Variants in TRMT44 observed in about 807,000 individuals in gnomAD.
TRMT44 encodes the protein tRNA methyltransferase 44 homolog.
A neutral mutation model predicts 77.3 loss-of-function variants in TRMT44; 78 were observed. The observed-to-expected ratio is 1.01, with a 90% CI of 0.84 to 1.22. TRMT44 has a LOEUF of 1.22. Among genes scored for constraint, TRMT44 ranks in the 50% most tolerant of loss-of-function variants. The pLI, the probability that TRMT44 is intolerant of heterozygous loss-of-function variation, is 0.00. For missense variants in TRMT44, 1,090 were observed against 964.4 expected, an observed-to-expected ratio of 1.13 and a Z score of -1.73; for synonymous variants, 391 against 383.3, an observed-to-expected ratio of 1.02 and a Z score of -0.23.
chr4:8,500,129 C>T, the TRMT44 span, among the ~76,000 whole-genome samples: 116 of 152,182 alleles, frequency 7.6e-4, no homozygotes, highest in Non-Finnish European at 1.4e-3. Context: ...ACTCTGGAGG[C>T]TGAGGCAGGG....
chr4:8,507,696 C>T, the TRMT44 span, among the ~76,000 whole-genome samples: 1 of 152,204 alleles, frequency 6.6e-6, no homozygotes, highest in Non-Finnish European at 1.5e-5. Flanking sequence ...TGCCCCTGGT[C>T]ACCTGGAGGC....
intron 1 of TRMT44, among the ~76,000 whole-genome samples, chr4:8,441,867 G>A (rs867252552): frequency 6.6e-6 from 1 of 152,180 alleles, no homozygotes; most frequent in Non-Finnish European, 1.5e-5. Context: ...CCAAAGCCTG[G>A]GAGCTCTGGT....
intron 6 of TRMT44, among the ~76,000 whole-genome samples, chr4:8,459,706 C>G (rs1726031764): frequency 6.6e-6 from 1 of 152,180 alleles, no homozygotes; most frequent in African/African-American, 2.4e-5. Flanking sequence ...AGAGATGCAT[C>G]CAATGGGAGA....
In TRMT44 at chr4:8,468,314, G is replaced by A. The variant is rs748467498; in HGVS notation, c.1895G>A (p.Arg632Gln). 4.5e-5 allele frequency: 72 copies of A among 1,614,050 alleles called. No homozygotes were observed. Among genetic ancestry groups the A allele is most frequent in the Middle Eastern group, 1.6e-4 (1 of 6,084 alleles). Residue 632 changes from arginine to glutamine, a missense_variant, in exon 9 of 11, where the codon CGA becomes CAA. By Grantham distance (43) the Arg-to-Gln change is conservative (BLOSUM62 1). Transcript: ENST00000389737. Reference sequence around the variant, plus strand: ...AAGCAATTAAACACAAGAAGTTCTCGAAATGGGAGTTTGAAGACCTGGAAT... The same window carrying A: ...AAGCAATTAAACACAAGAAGTTCTCAAAATGGGAGTTTGAAGACCTGGAAT... ...GGKQLNTRSSRNGSLKTWNGG... is the reference protein window; with the variant it reads ...GGKQLNTRSSQNGSLKTWNGG...
At chr4:8,490,399 G>A (rs1260614310) in intron 2 of TRMT44, among the ~76,000 whole-genome samples, 1 of 152,002 alleles carries the variant, frequency 6.6e-6, no homozygotes, top group Non-Finnish European at 1.5e-5. Context: ...TGGTGGATTC[G>A]TGGTCTCGCT....
At chr4:8,465,900 T>G (rs1388140600) in intron 8 of TRMT44, among the ~76,000 whole-genome samples, 1 of 152,244 alleles carries the variant, frequency 6.6e-6, no homozygotes, top group African/African-American at 2.4e-5. Context: ...TTCCTGCTCC[T>G]TCAAGTCGCA....
At position 8,452,512 on chromosome 4, in the gene TRMT44, A is replaced by C. The variant is rs1262124238; in HGVS notation, c.1024-370A>C. ...CACTTCGGGAGGCCGAGGCGGGCAG[A>C]TCACTTGAGGTCAGGAGTTTGAGAC... On this transcript the variant is annotated intron_variant, in intron 4 of 10. Transcript: ENST00000389737. This position sits in a 1 kb window ranked among gnomAD's most constrained non-coding sequence, Gnocchi z 5.7. Among the ~76,000 whole-genome samples the C allele has an allele frequency of 6.6e-6, 1 of 152,244 alleles. No individual in the cohort carries two copies. The highest frequency in any genetic ancestry group is 1.5e-5 in the Non-Finnish European group (1 of 68,044).
the TRMT44 span, among the ~76,000 whole-genome samples, chr4:8,513,339 C>T: frequency 6.6e-6 from 1 of 152,188 alleles, no homozygotes; most frequent in Non-Finnish European, 1.5e-5. Context: ...ACCATCAGAT[C>T]TCATGAACTC....
In TRMT44 at chr4:8,452,435, T is replaced by C. The variant is rs200336440; in HGVS notation, c.1023+407T>C. Among the ~76,000 whole-genome samples the C allele has an allele frequency of 1.4e-4, 22 of 152,362 alleles. No individual in the cohort carries two copies. The East Asian group carries it at 4.1e-3, about 28-fold the overall frequency. ...TTAATCATCTTGGTTTACTTATCTA[T>C]AAGAATGTTTAGAGTAGGCTGGGTT... On this transcript the variant is annotated intron_variant, in intron 4 of 10. Coordinates refer to ENST00000389737, the MANE Select transcript of TRMT44 (RefSeq NM_152544.3). This position sits in a 1 kb window ranked among gnomAD's most constrained non-coding sequence, Gnocchi z 5.7.
At chr4:8,449,949 C>CTTTTCTTTTATTTT in intron 3 of TRMT44, 61 bp downstream of exon 3, 2 of 238,688 alleles carry the variant, frequency 8.4e-6, no homozygotes, top group Admixed American at 1.3e-4. Context: ...CTTTTCTTTT[C>CTTTTCTTTTATTTT]TTTTTTTTTT....
In TRMT44 at chr4:8,464,097, A is replaced by G; in HGVS notation, c.1310+6A>G. ...ATACCTGTCATTGCAGCCAGGTGAG[A>G]AGTAGAGGAGTTATCAGGTGAATGG... On this transcript the variant is annotated splice_donor_region_variant and intron_variant, in intron 7 of 10. Coordinates refer to ENST00000389737, the MANE Select transcript of TRMT44 (RefSeq NM_152544.3). The G allele has an allele frequency of 6.2e-7, 1 of 1,611,802 alleles. No individual in the cohort carries two copies.
intron 9 of TRMT44, chr4:8,470,799 C>T (rs944919191): frequency 2.2e-4 from 56 of 253,568 alleles, no homozygotes; most frequent in African/African-American, 1.0e-3. Flanking sequence ...CTTGAGGTGA[C>T]CACCCAGAGC....
intron 2 of TRMT44, among the ~76,000 whole-genome samples, chr4:8,482,939 A>T (rs1426708036): frequency 6.6e-6 from 1 of 151,524 alleles, no homozygotes; most frequent in South Asian, 2.1e-4. Context: ...ATAATGGGCA[A>T]TGTTTCTCAG....
At position 8,476,240 on chromosome 4, in the gene TRMT44, G is replaced by C. The variant is rs1046619272; in HGVS notation, c.*239G>C. ...TGTTTCAGATGCAGCCGCTTGAAAC[G>C]TGCGCAGCATCTTCATATCATAAAG... is the stretch of plus-strand genomic sequence containing the variant. On this transcript the variant is annotated 3_prime_UTR_variant, in exon 11 of 11. Transcript: ENST00000389737. 4 of 574,926 alleles carry C rather than the reference G, an allele frequency of 7.0e-6. No individual in the cohort carries two copies. The highest frequency in any genetic ancestry group is 4.1e-5 in the South Asian group (2 of 48,586). The allele number at this position is 574,926 out of a possible 1,614,324, so 35.6% of individuals were successfully genotyped here.
downstream of TRMT44, among the ~76,000 whole-genome samples, chr4:8,495,869 T>G (rs1728135548): frequency 6.6e-6 from 1 of 152,170 alleles, no homozygotes; most frequent in African/African-American, 2.4e-5. Flanking sequence ...CCACAAACAA[T>G]CAGACTGGTT....
At chr4:8,471,626 C>G (rs1321051611) in intron 10 of TRMT44, among the ~76,000 whole-genome samples, 1 of 152,174 alleles carries the variant, frequency 6.6e-6, no homozygotes, top group Non-Finnish European at 1.5e-5. Context: ...AAGAGTGAGC[C>G]CTGCCCCACA....
rs1170891814 is a variant in TRMT44, at chr4:8,444,721, G to A, written c.620-1755G>A. On this transcript the variant is annotated intron_variant, in intron 1 of 10. Transcript: ENST00000389737. This position sits in a 1 kb window ranked among gnomAD's most constrained non-coding sequence, Gnocchi z 4.0. ...CCACTATTGTACATTTTTAAATAAC[G>A]AAAAGAGTGTAATTGGATTGTTTGT... is the stretch of plus-strand genomic sequence containing the variant. Among the ~76,000 whole-genome samples the A allele has an allele frequency of 6.6e-6, 1 of 152,170 alleles. No homozygotes were observed. Among genetic ancestry groups the A allele is most frequent in the African/African-American group, 2.4e-5 (1 of 41,448 alleles).
At chr4:8,514,003 A>C in the TRMT44 span, among the ~76,000 whole-genome samples, 5 of 152,186 alleles carry the variant, frequency 3.3e-5, no homozygotes. Flanking sequence ...CGCTGTGCCC[A>C]GGCATTCCCA....
chr4:8,460,118 C>T (rs1241037518), intron 6 of TRMT44, among the ~76,000 whole-genome samples: 1 of 152,192 alleles, frequency 6.6e-6, no homozygotes, highest in Non-Finnish European at 1.5e-5. Flanking sequence ...TCTCCTGGTA[C>T]TGAGGACAGA....
Sources: gnomAD v4.1 joint callset for allele counts (sites outside exome capture counted in the v4.1 genomes callset) on GRCh38, gnomAD v4.1.1 for gene constraint, Gnocchi (gnomAD v3.1) non-coding constraint, MANE v1.5 for transcripts, NCBI Gene and HGNC (gene_info 2026-07-23, HGNC 2026-07-21) for gene names.